Variants in MREG observed in about 807,000 individuals in gnomAD.
MREG encodes the protein dilute suppressor protein homolog.
Under a neutral mutation model 28.5 loss-of-function variants are expected in MREG, and 31 were observed. The observed-to-expected ratio is 1.09, with a 90% CI of 0.82 to 1.47. The LOEUF is 1.47. Ranked by LOEUF, MREG falls within the 40% of genes most tolerant of loss-of-function variation. The pLI, the probability that MREG is intolerant of heterozygous loss-of-function variation, is 0.00. For missense variants in MREG, 256 were observed against 257.4 expected (o/e 0.99, Z 0.04); for synonymous variants, 106 against 95.2 (o/e 1.11, Z -0.66).
At chr2:215,950,991 TTC>T (rs747817889) in intron 2 of MREG, among the ~76,000 whole-genome samples, 21 of 149,084 alleles carry the variant, frequency 1.4e-4, no homozygotes, top group Non-Finnish European at 1.9e-4. Context: ...CGCTTCCCCC[TTC>T]TCTCTCTCTC....
intron 2 of MREG, 131 bp downstream of exon 2, chr2:215,996,175 A>C (rs1426785380): frequency 1.0e-6 from 1 of 980,556 alleles, no homozygotes; most frequent in African/African-American, 1.7e-5. Flanking sequence ...TATGCTGCTA[A>C]AATACCTGCC....
intron 2 of MREG, among the ~76,000 whole-genome samples, chr2:215,951,793 G>A (rs1044196837): frequency 6.6e-6 from 1 of 152,188 alleles, no homozygotes; most frequent in Non-Finnish European, 1.5e-5. Context: ...CACCATCAAT[G>A]GCTAATTCTC....
chr2:215,954,331 C>T (rs1350055402), intron 2 of MREG, among the ~76,000 whole-genome samples: 2 of 152,068 alleles, frequency 1.3e-5, no homozygotes, highest in Non-Finnish European at 2.9e-5. Context: ...AATCTGAAGA[C>T]CAACCATTAA....
At chr2:215,954,450 AC>A (rs1559175316) in intron 2 of MREG, among the ~76,000 whole-genome samples, 48 of 150,032 alleles carry the variant, frequency 3.2e-4, no homozygotes, top group African/African-American at 1.0e-3. Flanking sequence ...TGTACAACAC[AC>A]ACACACACAC....
chr2:215,978,759 A>G (rs1254279419), intron 2 of MREG, among the ~76,000 whole-genome samples: 2 of 152,258 alleles, frequency 1.3e-5, no homozygotes, highest in Non-Finnish European at 2.9e-5. Flanking sequence ...AATCTATCAC[A>G]TAAACAGAAC....
chr2:215,994,372 G>T (rs1381383705), intron 2 of MREG, among the ~76,000 whole-genome samples: 2 of 151,628 alleles, frequency 1.3e-5, no homozygotes, highest in Admixed American at 6.6e-5. Context: ...TGAGAACACA[G>T]GGACACGGGG....
At chr2:215,956,542 TTTG>T (rs1327577512) in intron 2 of MREG, among the ~76,000 whole-genome samples, 3 of 152,124 alleles carry the variant, frequency 2.0e-5, no homozygotes, top group Admixed American at 6.5e-5. Context: ...TTTGGTGTTG[TTTG>T]TTGTTGTTTT....
intron 2 of MREG, among the ~76,000 whole-genome samples, chr2:215,994,641 G>A (rs1281406216): frequency 6.7e-6 from 1 of 149,504 alleles, no homozygotes; most frequent in East Asian, 1.9e-4. Flanking sequence ...GGGGGAGGAG[G>A]AGGAGGAAGC....
chr2:216,008,365 GCT>G (rs1694216617), intron 1 of MREG, among the ~76,000 whole-genome samples: 1 of 152,162 alleles, frequency 6.6e-6, no homozygotes, highest in South Asian at 2.1e-4. Flanking sequence ...ATTTCTATTA[GCT>G]GTTAATAACT....
chr2:216,013,140 TC>T (rs1559198973), intron 1 of MREG, 92 bp downstream of exon 1: 2 of 1,127,472 alleles, frequency 1.8e-6, no homozygotes, highest in Non-Finnish European at 2.5e-6. Context: ...CAAGCCCACC[TC>T]CCCAACTCAC....
At chr2:216,012,717 A>G (rs2105926219) in intron 1 of MREG, among the ~76,000 whole-genome samples, 1 of 152,364 alleles carries the variant, frequency 6.6e-6, no homozygotes, top group East Asian at 1.9e-4. Flanking sequence ...ATCCTAGTGA[A>G]TAGGCTGCCC....
chr2:215,983,145 C>T (rs72950828), intron 2 of MREG, among the ~76,000 whole-genome samples: 8,589 of 152,258 alleles, frequency 0.056, 505 homozygotes, highest in African/African-American at 0.15. Context: ...AATCGCTTCC[C>T]TTTTCCAGTT....
intron 1 of MREG, among the ~76,000 whole-genome samples, chr2:215,998,735 T>C (rs886916939): frequency 1.3e-5 from 2 of 151,862 alleles, no homozygotes; most frequent in Admixed American, 6.6e-5. Flanking sequence ...TGTGAACTTT[T>C]ATGAGCATGT....
At chr2:215,987,251 C>CT (rs548305432) in intron 2 of MREG, among the ~76,000 whole-genome samples, 11,125 of 145,896 alleles carry the variant, frequency 0.076, 922 homozygotes, top group African/African-American at 0.21. Context: ...ACATAAGCAA[C>CT]TTTTTTTTTT....
chr2:215,955,653 T>C (rs1692606502), intron 2 of MREG, among the ~76,000 whole-genome samples: 1 of 152,238 alleles, frequency 6.6e-6, no homozygotes, highest in Non-Finnish European at 1.5e-5. Flanking sequence ...CATCATCTTA[T>C]GCTGCTTCTA....
chr2:215,944,642 C>T lies in MREG; in HGVS notation c.*221G>A, dbSNP rs1692274657. ...ACTATCCATCTGACCAACTCTTTAA[C>T]TTTCTTCCTAAATATGAGATCACCA... On this transcript the variant is annotated 3_prime_UTR_variant, in exon 5 of 5. Transcript: ENST00000263268. 1 of 390,074 alleles carries T rather than the reference C, an allele frequency of 2.6e-6. No individual in the cohort carries two copies. The highest frequency in any genetic ancestry group is 2.0e-5 in the African/African-American group (1 of 50,202). The allele number at this position is 390,074 out of a possible 1,614,324, so 24.2% of individuals were successfully genotyped here.
rs528221440 is a variant in MREG at position 215,961,553 on chromosome 2, G to T, written c.256-14440C>A. Among the ~76,000 whole-genome samples, 25 of 152,130 alleles carry T rather than the reference G, an allele frequency of 1.6e-4. 1 individual carries two copies. The South Asian group carries it at 5.0e-3, about 30-fold the overall frequency. On this transcript the variant is annotated intron_variant, in intron 2 of 4. Transcript: ENST00000263268. ...CGATTCGCCTGCCTCAGCCTCCCTA[G>T]TAGCTGAGATTACAGGTGCCCACCA...
intron 1 of MREG, among the ~76,000 whole-genome samples, chr2:216,004,554 A>G (rs961298154): frequency 9.8e-6 from 1 of 102,126 alleles, no homozygotes; most frequent in African/African-American, 4.6e-5. Context: ...AAAAAAAACA[A>G]AAAAACAAAC....
At chr2:216,026,156 G>C (rs183341831) in intron 1 of MREG, among the ~76,000 whole-genome samples, 1 of 152,186 alleles carries the variant, frequency 6.6e-6, no homozygotes, top group Non-Finnish European at 1.5e-5. Flanking sequence ...TATCCATAGA[G>C]AGACATAACT....
Sources: gnomAD v4.1 joint callset for allele counts (sites outside exome capture counted in the v4.1 genomes callset) on GRCh38, gnomAD v4.1.1 for gene constraint, MANE v1.5 for transcripts, NCBI Gene and HGNC (gene_info 2026-07-23, HGNC 2026-07-21) for gene names.